ACYP2: variants seen among roughly 807,000 people sequenced by gnomAD.
The protein encoded by ACYP2 is acylphosphatase 2.
Under a neutral mutation model 11.2 loss-of-function variants are expected in ACYP2, and 12 were observed. The observed-to-expected ratio is 1.08, with a 90% CI of 0.69 to 1.74. The LOEUF (loss-of-function observed/expected upper bound fraction) is 1.74, where lower values mean the gene tolerates loss of function less well. Ranked by LOEUF, ACYP2 falls within the 40% of genes most tolerant of loss-of-function variation. ACYP2 has a pLI of 0.00. For synonymous variants in ACYP2, 43 were observed against 32.2 expected, an observed-to-expected ratio of 1.33 and a Z score of -1.13; for missense variants, 134 against 101.9, an observed-to-expected ratio of 1.31 and a Z score of -1.35.
chr2:54,090,144 CAA>C lies in ACYP2; in HGVS notation c.277+32797_277+32798del, dbSNP rs76380235. Among the ~76,000 whole-genome samples the C allele has an allele frequency of 8.8e-4, 122 of 138,932 alleles. 2 individuals are homozygous for C. In the East Asian group the frequency reaches 0.019, roughly 22 times the overall value. 91.1% of individuals were successfully genotyped at this position (138,932 alleles called of 152,430 possible). On this transcript the variant is annotated intron_variant, in intron 4 of 6. Transcript: ENST00000607452. Reference sequence around the variant, plus strand: ...TGAGCGACAGAATGATACTCCGTCTCAAAAAAAAAAAAAAGTTTGCCCATGTG... The same window carrying C: ...TGAGCGACAGAATGATACTCCGTCTCAAAAAAAAAAAAGTTTGCCCATGTG...
chr2:53,998,595 G>A (rs944701951), intron 2 of ACYP2, among the ~76,000 whole-genome samples: 2 of 152,088 alleles, frequency 1.3e-5, no homozygotes, highest in South Asian at 2.1e-4. Context: ...GGGGTGGATC[G>A]TTTGAGCCCA....
At chr2:54,215,755 C>T (rs1685533116) in intron 6 of ACYP2, among the ~76,000 whole-genome samples, 1 of 151,982 alleles carries the variant, frequency 6.6e-6, no homozygotes, top group Non-Finnish European at 1.5e-5. Flanking sequence ...AAATATATTT[C>T]CCTGTAATCA....
chr2:54,000,958 C>T (rs1323087385), intron 2 of ACYP2, among the ~76,000 whole-genome samples: 1 of 152,156 alleles, frequency 6.6e-6, no homozygotes, highest in Non-Finnish European at 1.5e-5. Flanking sequence ...AATTTTAGTC[C>T]TTGGCCACAG....
rs113382903 is a variant in ACYP2, at chr2:54,200,523, C to T, written c.404+61775C>T. Among the ~76,000 whole-genome samples, 1,079 of 152,166 alleles carry T rather than the reference C, an allele frequency of 7.1e-3. 4 individuals carry two copies. Among genetic ancestry groups the T allele is most frequent in the African/African-American group, 0.025 (1,038 of 41,502 alleles). On this transcript the variant is annotated intron_variant, in intron 6 of 6. Transcript: ENST00000607452. ...TAAATGGTATCATGCAATATATGCC[C>T]TTTGGTGTCTGGCTTCTTTCACTGA...
At chr2:54,003,506 C>A (rs1220044007) in intron 2 of ACYP2, among the ~76,000 whole-genome samples, 4 of 151,474 alleles carry the variant, frequency 2.6e-5, no homozygotes, top group Admixed American at 6.6e-5. Context: ...GTGATCCGCC[C>A]ACCTCGGCCT....
chr2:54,174,510 C>T (rs1177146285), intron 6 of ACYP2, among the ~76,000 whole-genome samples: 1 of 152,070 alleles, frequency 6.6e-6, no homozygotes, highest in Non-Finnish European at 1.5e-5. Context: ...ATTGGATACC[C>T]TTTATTTCTT....
At chr2:54,079,745 A>G (rs1438701574) in intron 4 of ACYP2, among the ~76,000 whole-genome samples, 1 of 152,250 alleles carries the variant, frequency 6.6e-6, no homozygotes, top group Non-Finnish European at 1.5e-5. Flanking sequence ...CAATTTTGAG[A>G]GTTCTCTTTA....
chr2:54,003,650 G>A (rs1000406152), intron 2 of ACYP2, among the ~76,000 whole-genome samples: 1 of 152,040 alleles, frequency 6.6e-6, no homozygotes, highest in Non-Finnish European at 1.5e-5. Context: ...AAGGTATCTT[G>A]TTTTTTTCCC....
intron 4 of ACYP2, among the ~76,000 whole-genome samples, chr2:54,064,657 T>C (rs1166619841): frequency 6.6e-6 from 1 of 152,218 alleles, no homozygotes; most frequent in Non-Finnish European, 1.5e-5. Flanking sequence ...TCATGCTAAG[T>C]GTTTTAATCT....
chr2:54,233,307 T>TTTC (rs1444228160), intron 6 of ACYP2, among the ~76,000 whole-genome samples: 1 of 144,634 alleles, frequency 6.9e-6, no homozygotes, highest in East Asian at 2.0e-4. Flanking sequence ...CTTCCAAACT[T>TTTC]TTTTTTTTTT....
At chr2:54,068,552 G>A (rs1406033659) in intron 4 of ACYP2, among the ~76,000 whole-genome samples, 1 of 152,138 alleles carries the variant, frequency 6.6e-6, no homozygotes, top group East Asian at 1.9e-4. Context: ...CATAAACTAG[G>A]TCCAAAGAGA....
In ACYP2 at chr2:54,028,732, T is replaced by C. The variant is rs550910600; in HGVS notation, c.63-22226T>C. Reference sequence around the variant, plus strand: ...CCCTAAATACCATTTACTACTCTCCTAAAATCATCCACTCTTCCCCATCTC... The same window carrying C: ...CCCTAAATACCATTTACTACTCTCCCAAAATCATCCACTCTTCCCCATCTC... On this transcript the variant is annotated intron_variant, in intron 2 of 6. Coordinates refer to ENST00000607452, the MANE Select transcript of ACYP2 (RefSeq NM_001320586.2). Among the ~76,000 whole-genome samples the C allele has an allele frequency of 2.6e-5, 4 of 152,276 alleles. 1 individual carries two copies. The South Asian group carries it at 8.3e-4, about 32-fold the overall frequency.
At chr2:54,297,797 G>A (rs1162587639) in intron 6 of ACYP2, among the ~76,000 whole-genome samples, 1 of 152,100 alleles carries the variant, frequency 6.6e-6, no homozygotes. Flanking sequence ...TACAGGACCT[G>A]AATTAAACAA....
intron 6 of ACYP2, among the ~76,000 whole-genome samples, chr2:54,178,335 G>A (rs921647197): frequency 6.6e-6 from 1 of 152,116 alleles, no homozygotes; most frequent in African/African-American, 2.4e-5. Flanking sequence ...TATTATGGCT[G>A]GACCGTGAAC....
intron 6 of ACYP2, among the ~76,000 whole-genome samples, chr2:54,159,205 T>C (rs1199930055): frequency 6.6e-6 from 1 of 151,632 alleles, no homozygotes; most frequent in African/African-American, 2.4e-5. Context: ...AATCAGTCAA[T>C]ACTGCCTGAG....
chr2:54,022,855 G>T (rs1049250938), intron 2 of ACYP2, among the ~76,000 whole-genome samples: 1 of 152,156 alleles, frequency 6.6e-6, no homozygotes, highest in Admixed American at 6.5e-5. Flanking sequence ...GACAGGCCTT[G>T]CTGTTTCCCC....
intron 6 of ACYP2, among the ~76,000 whole-genome samples, chr2:54,201,650 C>T (rs894436447): frequency 1.2e-5 from 1 of 86,942 alleles, no homozygotes; most frequent in Non-Finnish European, 2.4e-5. Flanking sequence ...TTCTTTCTTT[C>T]TTTCTTTCTT....
At chr2:54,116,616 G>T (rs1341557725) in intron 4 of ACYP2, among the ~76,000 whole-genome samples, 3 of 151,724 alleles carry the variant, frequency 2.0e-5, no homozygotes, top group Admixed American at 1.3e-4. Context: ...TGACAATAAG[G>T]CTCTCTTAGA....
intron 2 of ACYP2, among the ~76,000 whole-genome samples, chr2:54,024,752 A>G (rs1440986753): frequency 6.6e-6 from 1 of 152,198 alleles, no homozygotes; most frequent in Non-Finnish European, 1.5e-5. Flanking sequence ...ATCATACAAG[A>G]GAAAGAAATC....
Sources: allele counts gnomAD v4.1 joint callset (sites outside exome capture counted in the v4.1 genomes callset), GRCh38; gene constraint gnomAD v4.1.1; transcripts MANE v1.5; gene names NCBI Gene and HGNC (gene_info 2026-07-23, HGNC 2026-07-21).